TRIM2: variants seen among roughly 807,000 people sequenced by gnomAD.
TRIM2 encodes tripartite motif containing 2.
TRIM2 carries 20 observed loss-of-function variants against 75.2 expected under a neutral mutation model. The observed-to-expected ratio is 0.27, with a 90% CI of 0.19 to 0.39. The LOEUF is 0.39. TRIM2 is among the 10% of genes least tolerant of loss of function. The pLI, the probability that TRIM2 is intolerant of heterozygous loss-of-function variation, is 1.00. For missense variants in TRIM2, 660 were observed against 990.8 expected (o/e 0.67, Z 4.48); for synonymous variants, 373 against 388.3 (o/e 0.96, Z 0.46).
At chr4:153,214,734 G>A (rs1055848118) in intron 1 of TRIM2, among the ~76,000 whole-genome samples, 3 of 152,120 alleles carry the variant, frequency 2.0e-5, no homozygotes, top group African/African-American at 4.8e-5. Flanking sequence ...TAGCTAGATC[G>A]TCATAAATAA....
intron 1 of TRIM2, among the ~76,000 whole-genome samples, chr4:153,208,546 A>G (rs9995198): frequency 6.6e-6 from 1 of 152,158 alleles, no homozygotes; most frequent in African/African-American, 2.4e-5. Context: ...TATCCCGTAG[A>G]TGTGTCAAGA....
At position 153,240,085 on chromosome 4, in the gene TRIM2, C is replaced by T. The variant is rs915841755; in HGVS notation, c.31-30250C>T. Among the ~76,000 whole-genome samples, 8 of 152,246 alleles carry T rather than the reference C, an allele frequency of 5.3e-5. No individual in the cohort carries two copies. In the East Asian group the frequency reaches 1.5e-3, roughly 29 times the overall value. On this transcript the variant is annotated intron_variant, in intron 1 of 11. Transcript: ENST00000338700. ...CTGGGCTCAAACAATCCACCCGTCT[C>T]AGCCTCCCAAAATGCTGGGATTACA... is the stretch of plus-strand genomic sequence containing the variant.
At chr4:153,156,618 ATAT>A (rs1729255935) in intron 1 of TRIM2, 1 of 152,146 alleles carries the variant, frequency 6.6e-6, no homozygotes, top group Non-Finnish European at 1.5e-5. Context: ...GATTGATCAT[ATAT>A]ATAAGCTTAT....
intron 11 of TRIM2, among the ~76,000 whole-genome samples, chr4:153,333,188 G>A (rs527643141): frequency 6.6e-6 from 1 of 152,184 alleles, no homozygotes; most frequent in Admixed American, 6.5e-5. Context: ...CATCTCAAGG[G>A]CATGATGCTG....
upstream of TRIM2, among the ~76,000 whole-genome samples, chr4:153,203,249 G>A (rs1734626828): frequency 6.6e-6 from 1 of 151,990 alleles, no homozygotes; most frequent in African/African-American, 2.4e-5. Context: ...ATGATTATAG[G>A]TGCAAGCCTG....
rs748894500 is a variant in TRIM2, at chr4:153,257,558, T to C, written c.31-12777T>C. On this transcript the variant is annotated intron_variant, in intron 1 of 11. Coordinates refer to ENST00000338700, the MANE Select transcript of TRIM2 (RefSeq NM_015271.5). Reference sequence around the variant, plus strand: ...TTCTGTGCATGAACTGGCACATCACTACTTAGAGCAGAAGATATGCTGGGC... The same window carrying C: ...TTCTGTGCATGAACTGGCACATCACCACTTAGAGCAGAAGATATGCTGGGC... 21 of 1,289,672 alleles carry C rather than the reference T, an allele frequency of 1.6e-5. No individual in the cohort carries two copies. In the South Asian group the frequency reaches 2.3e-4, roughly 14 times the overall value. 79.9% of individuals were successfully genotyped at this position (1,289,672 alleles called of 1,614,324 possible).
chr4:153,243,716 C>T (rs1287800206), intron 1 of TRIM2, among the ~76,000 whole-genome samples: 1 of 151,798 alleles, frequency 6.6e-6, no homozygotes, highest in African/African-American at 2.4e-5. Flanking sequence ...TTCAACATGT[C>T]AATCAGGCTA....
chr4:153,234,159 A>G (rs1246451264), intron 1 of TRIM2, among the ~76,000 whole-genome samples: 3 of 152,190 alleles, frequency 2.0e-5, no homozygotes, highest in African/African-American at 7.2e-5. Context: ...TTCCACAGAC[A>G]TGTCCTTGGG....
intron 1 of TRIM2, among the ~76,000 whole-genome samples, chr4:153,247,338 T>C (rs543726359): frequency 6.6e-6 from 1 of 152,168 alleles, no homozygotes; most frequent in East Asian, 1.9e-4. Context: ...CAGTGCTAAG[T>C]GGGTGAGGAT....
At chr4:153,280,258 T>A (rs987311455) in intron 3 of TRIM2, among the ~76,000 whole-genome samples, 5 of 152,162 alleles carry the variant, frequency 3.3e-5, no homozygotes, top group Admixed American at 2.0e-4. Flanking sequence ...GTCTCCCATT[T>A]CATTTGTGAT....
At chr4:153,241,154 C>T (rs1746465630) in intron 1 of TRIM2, among the ~76,000 whole-genome samples, 1 of 152,212 alleles carries the variant, frequency 6.6e-6, no homozygotes, top group Non-Finnish European at 1.5e-5. Context: ...ATCTTGCTTA[C>T]ACCTAACAGA....
At chr4:153,190,534 C>T (rs1210015525) in intron 1 of TRIM2, among the ~76,000 whole-genome samples, 2 of 152,080 alleles carry the variant, frequency 1.3e-5, no homozygotes, top group Non-Finnish European at 2.9e-5. Flanking sequence ...CCCAAAATCT[C>T]AAAGCATATA....
intron 11 of TRIM2, among the ~76,000 whole-genome samples, chr4:153,331,242 A>C (rs1771412068): frequency 1.3e-5 from 2 of 152,076 alleles, no homozygotes; most frequent in South Asian, 4.2e-4. Flanking sequence ...AGGATTCCTT[A>C]AGTCTGGGAG....
Position 153,335,791 on chromosome 4 carries a change from T to C in TRIM2, c.*825T>C, listed in dbSNP as rs1772382105. On this transcript the variant is annotated 3_prime_UTR_variant, in exon 12 of 12. Transcript: ENST00000338700. ...GGAATGTAATCAAGAAAGTTAGTCA[T>C]GTTTTATGTACCATGTTTTCACACG... The C allele has an allele frequency of 2.0e-6, 2 of 985,876 alleles. No individual in the cohort carries two copies. Among genetic ancestry groups the C allele is most frequent in the Non-Finnish European group, 1.2e-6 (1 of 829,934 alleles). 61.1% of individuals were successfully genotyped at this position (985,876 alleles called of 1,614,324 possible). A position where few individuals can be genotyped will look rare whatever the true frequency, so the allele number is the denominator to read the frequency against.
intron 1 of TRIM2, among the ~76,000 whole-genome samples, chr4:153,170,526 T>G (rs766258044): frequency 6.6e-6 from 1 of 152,144 alleles, no homozygotes; most frequent in Non-Finnish European, 1.5e-5. Flanking sequence ...AAAAAAATCC[T>G]GCAGTTATGC....
chr4:153,328,475 T>TTG (rs1285891328), intron 10 of TRIM2, 55 bp from the exon 11 acceptor site: 15 of 1,483,876 alleles, frequency 1.0e-5, no homozygotes, highest in Non-Finnish European at 1.4e-5. Flanking sequence ...TAATCCATCA[T>TTG]GTTGGTTCAA....
At chr4:153,291,838 C>A (rs1159610274) in intron 3 of TRIM2, among the ~76,000 whole-genome samples, 2 of 152,166 alleles carry the variant, frequency 1.3e-5, no homozygotes, top group Non-Finnish European at 2.9e-5. Context: ...GTTCTTCGTG[C>A]ATACTAACCT....
intron 1 of TRIM2, among the ~76,000 whole-genome samples, chr4:153,153,430 G>A (rs1032756085): frequency 6.6e-5 from 10 of 152,140 alleles, no homozygotes; most frequent in Admixed American, 6.5e-4. Context: ...TCGTCTGGAG[G>A]TGGTGCGCGC....
At chr4:153,227,817 G>A (rs1742553739) in intron 1 of TRIM2, among the ~76,000 whole-genome samples, 1 of 152,138 alleles carries the variant, frequency 6.6e-6, no homozygotes, top group Non-Finnish European at 1.5e-5. Flanking sequence ...GCTTTTTGTA[G>A]TTCAAGATTA....
Sources: allele counts gnomAD v4.1 joint callset (sites outside exome capture counted in the v4.1 genomes callset), GRCh38; gene constraint gnomAD v4.1.1; transcripts MANE v1.5; gene names NCBI Gene and HGNC (gene_info 2026-07-23, HGNC 2026-07-21).